GLIS3: variants seen among roughly 807,000 people sequenced by gnomAD.
GLIS3 encodes GLIS family zinc finger 3.
Under a neutral mutation model 78.6 loss-of-function variants are expected in GLIS3, and 53 were observed. That is an observed-to-expected ratio of 0.67 (90% CI 0.54 to 0.85). The LOEUF is 0.85. GLIS3 is among the 40% of genes least tolerant of loss of function. The pLI is 0.00. For missense variants in GLIS3, 1,703 were observed against 1,231.1 expected, an observed-to-expected ratio of 1.38 and a Z score of -5.74; for synonymous variants, 684 against 509.9, an observed-to-expected ratio of 1.34 and a Z score of -4.60.
rs148023072 is a variant in GLIS3 at position 4,325,389 on chromosome 9, TGAAA to T, written n.265-14865_265-14862del. ...CTAGGGCATAATGTTTGGACAAACA[TGAAA>T]GAAAGAAAGGTTTAAGGAACAACAT... On this transcript the variant is annotated intron_variant and non_coding_transcript_variant, in intron 2 of 4. Transcript: ENST00000471664. Among the ~76,000 whole-genome samples, 716 of 152,260 alleles carry T rather than the reference TGAAA, an allele frequency of 4.7e-3. 5 individuals carry two copies. Among genetic ancestry groups the T allele is most frequent in the African/African-American group, 0.016 (644 of 41,532 alleles).
intron 2 of GLIS3, among the ~76,000 whole-genome samples, chr9:4,222,981 T>C (rs1473997070): frequency 7.2e-5 from 11 of 152,108 alleles, no homozygotes; most frequent in Non-Finnish European, 1.6e-4. Context: ...TGTTGTTCCT[T>C]AGGGAATTAG....
At chr9:3,854,298 A>T (rs939558214) in intron 9 of GLIS3, among the ~76,000 whole-genome samples, 4 of 152,192 alleles carry the variant, frequency 2.6e-5, no homozygotes, top group African/African-American at 9.7e-5. Flanking sequence ...ATAAATACAT[A>T]ACTAAAGCTT....
intron 4 of GLIS3, among the ~76,000 whole-genome samples, chr9:4,065,830 T>C (rs1046567440): frequency 4.6e-5 from 7 of 152,132 alleles, no homozygotes; most frequent in African/African-American, 1.7e-4. Flanking sequence ...AGCCCTGAGA[T>C]GATATCACAC....
At chr9:3,833,532 A>G (rs1017404771) in intron 9 of GLIS3, among the ~76,000 whole-genome samples, 1 of 149,612 alleles carries the variant, frequency 6.7e-6, no homozygotes, top group African/African-American at 2.5e-5. Context: ...TTGTGGGCGT[A>G]AAACCTGAGA....
the GLIS3 span, among the ~76,000 whole-genome samples, chr9:4,371,112 A>C: frequency 6.6e-6 from 1 of 152,180 alleles, no homozygotes; most frequent in East Asian, 1.9e-4. Flanking sequence ...AAAAAATATA[A>C]TTTTTTGGTT....
the GLIS3 span, among the ~76,000 whole-genome samples, chr9:4,476,940 C>A: frequency 1.3e-5 from 2 of 152,104 alleles, no homozygotes; most frequent in African/African-American, 4.8e-5. Context: ...TGTGGAGAGA[C>A]TGGAACCCTT....
intron 2 of GLIS3, among the ~76,000 whole-genome samples, chr9:4,205,455 G>A (rs1353253389): frequency 1.3e-5 from 2 of 152,212 alleles, no homozygotes; most frequent in Admixed American, 6.5e-5. Context: ...GATATGTTCT[G>A]GGGATTCTGA....
At chr9:4,047,495 C>G (rs4741878) in intron 4 of GLIS3, among the ~76,000 whole-genome samples, 46,102 of 152,070 alleles carry the variant, frequency 0.3, 8,584 homozygotes, top group Middle Eastern at 0.44. Context: ...TGTTACTGCT[C>G]TGAATTACAA....
intron 9 of GLIS3, among the ~76,000 whole-genome samples, chr9:3,841,256 A>G (rs1818696719): frequency 6.6e-6 from 1 of 152,192 alleles, no homozygotes; most frequent in Non-Finnish European, 1.5e-5. Flanking sequence ...CCATGTGTGG[A>G]TATATACAGT....
At chr9:4,168,797 T>C (rs1488388800) in intron 2 of GLIS3, among the ~76,000 whole-genome samples, 1 of 152,190 alleles carries the variant, frequency 6.6e-6, no homozygotes, top group East Asian at 1.9e-4. Flanking sequence ...GGGATGCCTA[T>C]GGTAAATTAA....
intron 4 of GLIS3, among the ~76,000 whole-genome samples, chr9:4,107,152 A>G (rs1253372567): frequency 6.6e-6 from 1 of 152,190 alleles, no homozygotes; most frequent in African/African-American, 2.4e-5. Flanking sequence ...GAAAGCTCCA[A>G]GATCAAGATT....
intron 9 of GLIS3, among the ~76,000 whole-genome samples, chr9:3,854,693 C>G (rs979589625): frequency 8.3e-6 from 1 of 120,884 alleles, no homozygotes; most frequent in African/African-American, 2.8e-5. Context: ...CCCGCCGTCA[C>G]GCCTGGCTAA....
chr9:4,304,568 G>A (rs1048911017), upstream of GLIS3, among the ~76,000 whole-genome samples: 3 of 152,024 alleles, frequency 2.0e-5, no homozygotes, highest in South Asian at 4.1e-4. Flanking sequence ...TAAATAATGG[G>A]GAGAAAAGGG....
chr9:4,334,118 C>T (rs765649890), intron 2 of GLIS3, among the ~76,000 whole-genome samples: 10 of 152,134 alleles, frequency 6.6e-5, no homozygotes, highest in Non-Finnish European at 1.5e-4. Flanking sequence ...CAAGTTCTGA[C>T]TGAGCAGTGA....
chr9:3,864,252 C>T (rs1379737654), intron 8 of GLIS3, among the ~76,000 whole-genome samples: 3 of 152,170 alleles, frequency 2.0e-5, no homozygotes, highest in African/African-American at 7.2e-5. Flanking sequence ...TTCTCTTGTT[C>T]AGCATGGTGT....
At chr9:4,081,556 G>A (rs1052391503) in intron 4 of GLIS3, among the ~76,000 whole-genome samples, 1 of 152,204 alleles carries the variant, frequency 6.6e-6, no homozygotes, top group African/African-American at 2.4e-5. Context: ...TAAGGTGGAT[G>A]GAGCCTGGGT....
At chr9:4,003,598 T>A (rs780975040) in intron 4 of GLIS3, among the ~76,000 whole-genome samples, 1 of 152,242 alleles carries the variant, frequency 6.6e-6, no homozygotes, top group African/African-American at 2.4e-5. Flanking sequence ...AACATCTTGC[T>A]CAATGTTTTG....
rs1249108074 is a variant in GLIS3, at chr9:3,879,432, A to C, written c.2292T>G (p.Ala764=). The part of the protein sequence containing the change: ...LPPLTAVDAG[A]ERFAPSAPSP... ...AGAGAGACAGATGGCCTTACCTCTC[A>C]GCTCCTGCGTCCACAGCTGTGAGTG... is the stretch of plus-strand genomic sequence containing the variant. The change falls in exon 8 of 11, where the codon GCT becomes GCG. Residue 764 remains alanine (A), a synonymous_variant. Transcript: ENST00000381971. 6.2e-7 allele frequency: 1 copy of C among 1,614,000 alleles called. No individual in the cohort carries two copies.
intron 2 of GLIS3, among the ~76,000 whole-genome samples, chr9:4,346,547 A>T (rs1817899955): frequency 6.6e-6 from 1 of 152,236 alleles, no homozygotes; most frequent in Non-Finnish European, 1.5e-5. Flanking sequence ...AGAGCCACAA[A>T]ATGTCAATCA....
Sources: allele counts gnomAD v4.1 joint callset (sites outside exome capture counted in the v4.1 genomes callset), GRCh38; gene constraint gnomAD v4.1.1; transcripts MANE v1.5; gene names NCBI Gene and HGNC (gene_info 2026-07-23, HGNC 2026-07-21).